BEND7: variants seen among roughly 807,000 people sequenced by gnomAD.
BEND7 encodes the protein BEN domain containing 7.
A neutral mutation model predicts 50.9 loss-of-function variants in BEND7; 28 were observed. That is an observed-to-expected ratio of 0.55 (90% CI 0.41 to 0.75). The LOEUF is 0.75. BEND7 is among the 30% of genes least tolerant of loss of function. The probability of loss-of-function intolerance (pLI) is 0.00; values close to 1 mark genes in which losing one functional copy is unlikely to be tolerated. For missense variants in BEND7, 477 were observed against 491.3 expected (o/e 0.97, Z 0.28); for synonymous variants, 170 against 183.9 (o/e 0.92, Z 0.61).
chr10:13,496,666 GAGA>G (rs2077041586), intron 4 of BEND7, 97 bp downstream of exon 4: 8 of 1,359,960 alleles, frequency 5.9e-6, no homozygotes, highest in South Asian at 4.3e-5. Context: ...ACAGCAAGGT[GAGA>G]AGAAGGCTTT....
chr10:13,495,622 A>T (rs1049100844), intron 4 of BEND7, among the ~76,000 whole-genome samples: 14 of 152,352 alleles, frequency 9.2e-5, no homozygotes, highest in African/African-American at 3.1e-4. Flanking sequence ...AGATCATGCC[A>T]TTGCACTCCA....
At chr10:13,499,197 C>T (rs2077256798) in intron 3 of BEND7, among the ~76,000 whole-genome samples, 2 of 152,046 alleles carry the variant, frequency 1.3e-5, no homozygotes, top group African/African-American at 4.8e-5. Flanking sequence ...CTTTTCTTAA[C>T]AATTAGGAAA....
chr10:13,450,969 G>C (rs1210691314), intron 7 of BEND7, among the ~76,000 whole-genome samples: 1 of 151,986 alleles, frequency 6.6e-6, no homozygotes, highest in Non-Finnish European at 1.5e-5. Context: ...ATGCGTGCCT[G>C]CTTGCTGGTG....
chr10:13,499,779 A>G lies in BEND7; in HGVS notation c.447T>C (p.Asn149=). The G allele has an allele frequency of 1.9e-6, 3 of 1,602,302 alleles. No individual in the cohort carries two copies. Among genetic ancestry groups the G allele is most frequent in the Non-Finnish European group, 2.6e-6 (3 of 1,171,436 alleles). Reference sequence around the variant, plus strand: ...CTGAATGTTTGTTGACAACCATACCATTGGAGCTCGTGGTAGGGTGGGGCT... The same window carrying G: ...CTGAATGTTTGTTGACAACCATACCGTTGGAGCTCGTGGTAGGGTGGGGCT... ...QSQPHPTTSS[N]GELPVVNSSA... is the part of the protein sequence containing the mutation. Residue 149 remains asparagine (N), a splice_region_variant and synonymous_variant, in exon 3 of 9, where the codon AAT becomes AAC. Coordinates refer to ENST00000466271, the MANE Select transcript of BEND7 (RefSeq NM_001369863.1).
At chr10:13,506,334 G>T (rs1022814356) in intron 2 of BEND7, among the ~76,000 whole-genome samples, 16 of 152,152 alleles carry the variant, frequency 1.1e-4, no homozygotes, top group Non-Finnish European at 2.1e-4. Flanking sequence ...AGGAGAACCT[G>T]GCTTTCCTCT....
chr10:13,505,026 T>C (rs991283482), intron 2 of BEND7, among the ~76,000 whole-genome samples: 5 of 152,226 alleles, frequency 3.3e-5, no homozygotes, highest in African/African-American at 1.2e-4. Flanking sequence ...ACACGATTAT[T>C]CACAGGTAAT....
At chr10:13,455,416 C>G (rs150778542) in intron 6 of BEND7, among the ~76,000 whole-genome samples, 2 of 151,978 alleles carry the variant, frequency 1.3e-5, no homozygotes, top group South Asian at 2.1e-4. Context: ...GGGACCAGCA[C>G]GCTGCATTGC....
At chr10:13,468,484 G>C (rs187556939) in intron 6 of BEND7, among the ~76,000 whole-genome samples, 2 of 152,150 alleles carry the variant, frequency 1.3e-5, no homozygotes, top group East Asian at 1.9e-4. Flanking sequence ...TTCAAGTTAC[G>C]GAGTCTTGGA....
rs2076515314 is a variant in BEND7, at chr10:13,489,739, A to C, written c.837+2872T>G. On this transcript the variant is annotated intron_variant, in intron 5 of 8. Coordinates refer to ENST00000466271, the MANE Select transcript of BEND7 (RefSeq NM_001369863.1). ...CGTTCAAATCACAGTAGAGCCTTGA[A>C]GGGGAGTAGGTGGGTACAGAGAGGA... 2.0e-5 allele frequency among the ~76,000 whole-genome samples: 3 copies of C among 152,274 alleles called. No homozygotes were observed. The South Asian group carries it at 6.2e-4, about 32-fold the overall frequency.
intron 5 of BEND7, among the ~76,000 whole-genome samples, chr10:13,484,912 G>A (rs1227923617): frequency 6.6e-6 from 1 of 152,158 alleles, no homozygotes; most frequent in Non-Finnish European, 1.5e-5. Flanking sequence ...AAGTTCTGGA[G>A]GCAAACACTG....
chr10:13,525,055 C>G (rs992583406), intron 2 of BEND7, among the ~76,000 whole-genome samples: 1 of 152,170 alleles, frequency 6.6e-6, no homozygotes, highest in African/African-American at 2.4e-5. Context: ...CCTGAAGTCC[C>G]CCTTGATGGG....
chr10:13,524,644 CAAAAAAAAAAAAA>C (rs58967065), intron 2 of BEND7, among the ~76,000 whole-genome samples: 3 of 88,518 alleles, frequency 3.4e-5, no homozygotes, highest in South Asian at 4.1e-4. Flanking sequence ...ACCTCCGTCT[CAAAAAAAAAAAAA>C]AAAAAAAAAG....
At chr10:13,481,964 A>C (rs1261313919) in intron 5 of BEND7, among the ~76,000 whole-genome samples, 3 of 152,188 alleles carry the variant, frequency 2.0e-5, no homozygotes, top group Non-Finnish European at 4.4e-5. Context: ...CTCACCTTTG[A>C]ATCTTTCAAC....
chr10:13,466,294 G>A (rs887041824), intron 6 of BEND7, among the ~76,000 whole-genome samples: 1 of 151,898 alleles, frequency 6.6e-6, no homozygotes, highest in African/African-American at 2.4e-5. Flanking sequence ...GGGCGCAGTG[G>A]TTCATGCCTG....
At chr10:13,439,545 A>C, downstream of BEND7, 7 of 1,521,972 alleles carry the variant, frequency 4.6e-6, no homozygotes, top group Non-Finnish European at 5.3e-6. Context: ...GGAGTAACTC[A>C]CCTGTCTCCT....
intron 7 of BEND7, among the ~76,000 whole-genome samples, chr10:13,449,774 T>C (rs898266658): frequency 4.6e-5 from 7 of 152,112 alleles, no homozygotes; most frequent in Non-Finnish European, 8.8e-5. Context: ...ACAGAACATA[T>C]ATAACCAAAA....
chr10:13,505,900 C>A (rs761943110), intron 2 of BEND7, among the ~76,000 whole-genome samples: 9 of 152,094 alleles, frequency 5.9e-5, no homozygotes, highest in African/African-American at 1.2e-4. Context: ...AAAAACCCTG[C>A]TTATCAAAAA....
intron 8 of BEND7, chr10:13,443,245 C>G (rs1036022025): frequency 6.6e-6 from 1 of 152,636 alleles, no homozygotes; most frequent in Non-Finnish European, 1.5e-5. Context: ...TGACAGAACA[C>G]CCACACTTTG....
chr10:13,491,176 G>A lies in BEND7; in HGVS notation c.837+1435C>T, dbSNP rs566032121. ...AACTGAGTTTTCATTAGCCGGGGGT[G>A]GTGGCAAGTACCTGCAGTCCCAGCT... On this transcript the variant is annotated intron_variant, in intron 5 of 8. Transcript: ENST00000466271. 1.3e-4 allele frequency among the ~76,000 whole-genome samples: 20 copies of A among 152,016 alleles called. 1 individual carries two copies. In the South Asian group the frequency reaches 4.2e-3, roughly 32 times the overall value.
Sources: gnomAD v4.1 joint callset for allele counts (sites outside exome capture counted in the v4.1 genomes callset) on GRCh38, gnomAD v4.1.1 for gene constraint, MANE v1.5 for transcripts, NCBI Gene and HGNC (gene_info 2026-07-23, HGNC 2026-07-21) for gene names.